The following MYO3A variants were observed in gnomAD, a reference collection of about 807,000 sequenced individuals.
MYO3A encodes myosin-IIIa.
Under a neutral mutation model 192.7 loss-of-function variants are expected in MYO3A, and 180 were observed. That is an observed-to-expected ratio of 0.93 (90% CI 0.83 to 1.06). The LOEUF is 1.06. MYO3A is among the 50% of genes least tolerant of loss of function. The pLI is 0.00. For missense variants in MYO3A, 1,896 were observed against 1,905.0 expected (o/e 1.00, Z 0.09); for synonymous variants, 628 against 645.3 (o/e 0.97, Z 0.41).
chr10:25,976,837 C>T (rs537090221), intron 4 of MYO3A, among the ~76,000 whole-genome samples: 4 of 152,052 alleles, frequency 2.6e-5, no homozygotes, highest in African/African-American at 7.2e-5. Flanking sequence ...TTAAAAATTG[C>T]ATAGGCTAAA....
chr10:25,937,998 T>C (rs560298655), intron 2 of MYO3A, among the ~76,000 whole-genome samples: 2 of 152,330 alleles, frequency 1.3e-5, no homozygotes, highest in African/African-American at 4.8e-5. Flanking sequence ...TCTGTTTTAA[T>C]GTTCTGTAAG....
chr10:25,968,964 G>A (rs1413423765), intron 4 of MYO3A, among the ~76,000 whole-genome samples: 2 of 152,236 alleles, frequency 1.3e-5, no homozygotes, highest in African/African-American at 2.4e-5. Flanking sequence ...CACAGGCCAG[G>A]CATGGTGGCT....
chr10:26,060,973 G>T (rs1339285494), intron 10 of MYO3A, among the ~76,000 whole-genome samples: 1 of 151,756 alleles, frequency 6.6e-6, no homozygotes, highest in African/African-American at 2.4e-5. Context: ...CTGTCACCCA[G>T]GCTGGAGTGC....
chr10:26,043,782 C>T (rs940844745), intron 10 of MYO3A, among the ~76,000 whole-genome samples: 2 of 152,170 alleles, frequency 1.3e-5, no homozygotes, highest in Non-Finnish European at 2.9e-5. Flanking sequence ...GAATGGGGAC[C>T]CCAAGAGCCC....
At chr10:25,958,048 C>T (rs1163003309) in intron 4 of MYO3A, among the ~76,000 whole-genome samples, 2 of 152,100 alleles carry the variant, frequency 1.3e-5, no homozygotes, top group Non-Finnish European at 2.9e-5. Flanking sequence ...TCTCTTTACT[C>T]TGTTGATGGT....
At chr10:26,039,146 T>C (rs1323770813) in intron 10 of MYO3A, among the ~76,000 whole-genome samples, 1 of 151,936 alleles carries the variant, frequency 6.6e-6, no homozygotes, top group East Asian at 1.9e-4. Flanking sequence ...GTTCAAGCGA[T>C]TCTCCTGCCT....
At chr10:26,135,701 G>T (rs764573616) in intron 20 of MYO3A, among the ~76,000 whole-genome samples, 1 of 152,056 alleles carries the variant, frequency 6.6e-6, no homozygotes, top group Non-Finnish European at 1.5e-5. Context: ...TCGACCGGGC[G>T]CAGTGGCTCA....
In MYO3A at chr10:26,054,069, C is replaced by T. The variant is rs187680910; in HGVS notation, c.954-12906C>T. On this transcript the variant is annotated intron_variant, in intron 10 of 34. Coordinates refer to ENST00000642920, the MANE Select transcript of MYO3A (RefSeq NM_017433.5). Reference sequence around the variant, plus strand: ...AAAGCTAGCGAGGAGTAATTGGGGACACACTGTTAGGAGATACGGTGGGAG... The same window carrying T: ...AAAGCTAGCGAGGAGTAATTGGGGATACACTGTTAGGAGATACGGTGGGAG... 7.5e-3 allele frequency among the ~76,000 whole-genome samples: 1,140 copies of T among 152,144 alleles called. 35 individuals are homozygous for T. The highest frequency in any genetic ancestry group is 0.057 in the Admixed American group (877 of 15,288).
At chr10:26,039,207 ATTTTTTT>A (rs34416918) in intron 10 of MYO3A, among the ~76,000 whole-genome samples, 5 of 106,844 alleles carry the variant, frequency 4.7e-5, no homozygotes, top group African/African-American at 1.2e-4. Context: ...GGCTCGGCTA[ATTTTTTT>A]TTTTTTTTTT....
chr10:26,196,913 C>G (rs1843437216), intron 32 of MYO3A, among the ~76,000 whole-genome samples: 1 of 152,176 alleles, frequency 6.6e-6, no homozygotes, highest in Non-Finnish European at 1.5e-5. Flanking sequence ...CATCCATCGT[C>G]TCAAGCATTT....
chr10:25,934,500 G>A (rs1436447358), intron 1 of MYO3A, among the ~76,000 whole-genome samples, 172 bp downstream of exon 1: 1 of 152,098 alleles, frequency 6.6e-6, no homozygotes, highest in Non-Finnish European at 1.5e-5. Context: ...CAGATCCGGA[G>A]GACCTGTGTG....
intron 17 of MYO3A, among the ~76,000 whole-genome samples, chr10:26,116,311 A>G (rs556998435): frequency 6.6e-6 from 1 of 152,228 alleles, no homozygotes; most frequent in South Asian, 2.1e-4. Flanking sequence ...GTATTCTTGT[A>G]CGGCAGGTCC....
At chr10:26,010,961 A>G (rs1841610233) in intron 6 of MYO3A, among the ~76,000 whole-genome samples, 1 of 152,198 alleles carries the variant, frequency 6.6e-6, no homozygotes. Flanking sequence ...TATTTGTTAA[A>G]TACTATTTAA....
intron 18 of MYO3A, among the ~76,000 whole-genome samples, chr10:26,122,432 GT>G (rs1424634305): frequency 6.6e-6 from 1 of 152,120 alleles, no homozygotes; most frequent in Non-Finnish European, 1.5e-5. Flanking sequence ...TTTCCATATG[GT>G]TTTACAAGAG....
At position 26,048,600 on chromosome 10, in the gene MYO3A, C is replaced by T. The variant is rs555081030; in HGVS notation, c.954-18375C>T. Among the ~76,000 whole-genome samples, 10 of 151,964 alleles carry T rather than the reference C, an allele frequency of 6.6e-5. No individual in the cohort carries two copies. The South Asian group carries it at 2.1e-3, about 32-fold the overall frequency. Reference sequence around the variant, plus strand: ...TCTGTGTATATAAAGCCTGACAGCACCTGGGCAGCCCAGACTAAAGTATAG... The same window carrying T: ...TCTGTGTATATAAAGCCTGACAGCATCTGGGCAGCCCAGACTAAAGTATAG... On this transcript the variant is annotated intron_variant, in intron 10 of 34. Transcript: ENST00000642920.
At chr10:25,942,006 CTT>C (rs151243879) in intron 2 of MYO3A, among the ~76,000 whole-genome samples, 45 of 139,122 alleles carry the variant, frequency 3.2e-4, no homozygotes, top group African/African-American at 3.4e-4. Context: ...TTTCTTTTTT[CTT>C]TTTTTTTTTT....
intron 11 of MYO3A, 33 bp downstream of exon 11, chr10:26,067,107 TC>T: frequency 7.1e-7 from 1 of 1,414,402 alleles, no homozygotes; most frequent in African/African-American, 1.4e-5. Flanking sequence ...ACTTAGACAT[TC>T]CAGATGTTTT....
chr10:26,161,771 A>G (rs1841495068), intron 26 of MYO3A, among the ~76,000 whole-genome samples: 1 of 152,128 alleles, frequency 6.6e-6, no homozygotes, highest in African/African-American at 2.4e-5. Context: ...AATTATTTTT[A>G]TTATTTTTTT....
Position 26,096,362 on chromosome 10 carries a change from T to C in MYO3A, c.1563-19T>C. ...AATGTTCTTACTAACTACCTTACTG[T>C]AAATATCTTTTTTTCCAGTGGAGAA... On this transcript the variant is annotated intron_variant, in intron 15 of 34. Coordinates refer to ENST00000642920, the MANE Select transcript of MYO3A (RefSeq NM_017433.5). 5 of 1,530,488 alleles carry C rather than the reference T, an allele frequency of 3.3e-6. No homozygotes were observed. Among genetic ancestry groups the C allele is most frequent in the Middle Eastern group, 2.2e-4 (1 of 4,538 alleles). The allele number at this position is 1,530,488 out of a possible 1,614,324, so 94.8% of individuals were successfully genotyped here.
Sources: allele counts gnomAD v4.1 joint callset (sites outside exome capture counted in the v4.1 genomes callset), GRCh38; gene constraint gnomAD v4.1.1; transcripts MANE v1.5; gene names NCBI Gene and HGNC (gene_info 2026-07-23, HGNC 2026-07-21).